ROBO1: variants seen among roughly 807,000 people sequenced by gnomAD.
ROBO1 encodes the protein roundabout guidance receptor 1, also known as roundabout homolog 1.
Under a neutral mutation model 195.9 loss-of-function variants are expected in ROBO1, and 149 were observed. The ratio of observed to expected loss-of-function variants is 0.76; its 90% CI spans 0.67 to 0.87. The LOEUF is 0.87. ROBO1 is among the 40% of genes least tolerant of loss of function. The pLI is 0.00. For synonymous variants in ROBO1, 816 were observed against 733.2 expected (o/e 1.11, Z -1.82); for missense variants, 1,933 against 2,068.3 (o/e 0.93, Z 1.27).
At chr3:78,824,618 T>A (rs2031405464) in intron 4 of ROBO1, among the ~76,000 whole-genome samples, 1 of 152,174 alleles carries the variant, frequency 6.6e-6, no homozygotes, top group East Asian at 1.9e-4. Flanking sequence ...TGGAATGAAA[T>A]AAACTTAGAA....
chr3:79,261,776 T>A (rs76144705), intron 2 of ROBO1, among the ~76,000 whole-genome samples: 1,623 of 152,206 alleles, frequency 0.011, 18 homozygotes, highest in Non-Finnish European at 0.015. Flanking sequence ...AAGAGTTCAA[T>A]GAATGTCAAG....
intron 3 of ROBO1, among the ~76,000 whole-genome samples, chr3:78,971,326 T>A (rs935602923): frequency 6.6e-6 from 1 of 151,902 alleles, no homozygotes; most frequent in African/African-American, 2.4e-5. Flanking sequence ...GAGGCGGAGG[T>A]TGCAGACAGC....
intron 4 of ROBO1, among the ~76,000 whole-genome samples, chr3:78,873,048 T>C (rs2035638895): frequency 6.6e-6 from 1 of 152,206 alleles, no homozygotes; most frequent in Middle Eastern, 3.2e-3. Flanking sequence ...TAATGTTCTT[T>C]CCTTTCTTTC....
intron 2 of ROBO1, among the ~76,000 whole-genome samples, chr3:79,248,866 CAT>C (rs1410071184): frequency 6.6e-6 from 1 of 152,060 alleles, no homozygotes. Flanking sequence ...CATATCAAGA[CAT>C]ATAGTATTCT....
intron 2 of ROBO1, among the ~76,000 whole-genome samples, chr3:79,580,704 C>T (rs1313537139): frequency 6.6e-6 from 1 of 151,962 alleles, no homozygotes; most frequent in Non-Finnish European, 1.5e-5. Flanking sequence ...CATCCGCACA[C>T]CCATATATTG....
chr3:78,695,904 G>A (rs1478940431), intron 8 of ROBO1, among the ~76,000 whole-genome samples: 1 of 151,784 alleles, frequency 6.6e-6, no homozygotes, highest in Non-Finnish European at 1.5e-5. Context: ...TATGGACTAT[G>A]TAAAATCCTT....
intron 2 of ROBO1, among the ~76,000 whole-genome samples, chr3:79,264,893 A>G (rs2083007314): frequency 1.3e-5 from 2 of 151,888 alleles, no homozygotes; most frequent in Non-Finnish European, 2.9e-5. Context: ...CATGATCATA[A>G]TTTCTGTTTG....
At chr3:79,522,408 G>T (rs753026845) in intron 2 of ROBO1, among the ~76,000 whole-genome samples, 1 of 150,418 alleles carries the variant, frequency 6.6e-6, no homozygotes, top group Non-Finnish European at 1.5e-5. Flanking sequence ...TTCAAGAAGT[G>T]ATTGAGAGAC....
At chr3:79,197,885 T>G (rs944451761) in intron 2 of ROBO1, among the ~76,000 whole-genome samples, 3 of 107,932 alleles carry the variant, frequency 2.8e-5, no homozygotes, top group South Asian at 2.3e-4. Context: ...TTTGATGGGT[T>G]TTTTTTTTTT....
intron 4 of ROBO1, among the ~76,000 whole-genome samples, chr3:78,812,573 C>G (rs920390208): frequency 6.6e-6 from 1 of 152,028 alleles, no homozygotes; most frequent in Non-Finnish European, 1.5e-5. Context: ...ATTCCTTATC[C>G]CCTCTTCCTG....
At chr3:79,570,899 C>G (rs1261837060) in intron 2 of ROBO1, among the ~76,000 whole-genome samples, 2 of 152,114 alleles carry the variant, frequency 1.3e-5, no homozygotes, top group Admixed American at 6.5e-5. Context: ...AGTGAGTACT[C>G]TGGCCTGGAG....
intron 4 of ROBO1, among the ~76,000 whole-genome samples, chr3:78,819,776 A>T (rs2030666028): frequency 6.6e-6 from 1 of 152,168 alleles, no homozygotes; most frequent in South Asian, 2.1e-4. Flanking sequence ...GTCATCATGT[A>T]AAAATTTTAT....
intron 4 of ROBO1, among the ~76,000 whole-genome samples, chr3:78,874,725 G>A (rs149438796): frequency 6.6e-6 from 1 of 151,608 alleles, no homozygotes; most frequent in East Asian, 1.9e-4. Flanking sequence ...TTTACTATTA[G>A]CATCAACCAT....
intron 2 of ROBO1, among the ~76,000 whole-genome samples, chr3:79,537,446 A>G (rs888403633): frequency 6.6e-6 from 1 of 152,108 alleles, no homozygotes; most frequent in Non-Finnish European, 1.5e-5. Flanking sequence ...TGGGACAAAG[A>G]TTCTATGGAA....
At chr3:79,212,156 C>T (rs1184761711) in intron 2 of ROBO1, among the ~76,000 whole-genome samples, 1 of 152,146 alleles carries the variant, frequency 6.6e-6, no homozygotes, top group Admixed American at 6.5e-5. Flanking sequence ...GTGTTCCTTG[C>T]TCTCATTCCG....
intron 2 of ROBO1, among the ~76,000 whole-genome samples, chr3:79,194,845 C>T (rs189153948): frequency 3.3e-5 from 5 of 151,610 alleles, no homozygotes; most frequent in Admixed American, 1.3e-4. Context: ...GGAAGTGTAA[C>T]GTCATTCTTC....
At chr3:79,428,781 A>T (rs2038556187) in intron 2 of ROBO1, among the ~76,000 whole-genome samples, 3 of 152,286 alleles carry the variant, frequency 2.0e-5, no homozygotes, top group Admixed American at 1.3e-4. Flanking sequence ...GTGGAATATT[A>T]AAAAATAATT....
At chr3:79,591,053 G>T (rs1429619357) in intron 1 of ROBO1, among the ~76,000 whole-genome samples, 1 of 151,734 alleles carries the variant, frequency 6.6e-6, no homozygotes. Context: ...ACTCTGGTAG[G>T]AATAGACAAT....
At chr3:78,640,180 T>C (rs771763630) in intron 21 of ROBO1, among the ~76,000 whole-genome samples, 4 of 152,184 alleles carry the variant, frequency 2.6e-5, no homozygotes, top group South Asian at 2.1e-4. Flanking sequence ...TTAGTCATAA[T>C]GGTTAAAAAT....
Sources: gnomAD v4.1 joint callset for allele counts (sites outside exome capture counted in the v4.1 genomes callset) on GRCh38, gnomAD v4.1.1 for gene constraint, MANE v1.5 for transcripts, NCBI Gene and HGNC (gene_info 2026-07-23, HGNC 2026-07-21) for gene names.